Variants in ATP8A2 observed in about 807,000 individuals in gnomAD.
The protein encoded by ATP8A2 is phospholipid-transporting ATPase IB.
In ATP8A2, 100 loss-of-function variants were observed where a neutral mutation model predicts 165.6. The ratio of observed to expected loss-of-function variants is 0.60; its 90% CI spans 0.51 to 0.71. ATP8A2 has a LOEUF of 0.71. ATP8A2 is among the 30% of genes least tolerant of loss of function. The pLI, the probability that ATP8A2 is intolerant of heterozygous loss-of-function variation, is 0.00. For synonymous variants in ATP8A2, 543 were observed against 548.8 expected, an observed-to-expected ratio of 0.99 and a Z score of 0.15; for missense variants, 1,227 against 1,479.5, an observed-to-expected ratio of 0.83 and a Z score of 2.80.
chr13:25,984,967 G>A (rs1308749207), intron 35 of ATP8A2, among the ~76,000 whole-genome samples: 1 of 152,190 alleles, frequency 6.6e-6, no homozygotes, highest in Non-Finnish European at 1.5e-5. Flanking sequence ...TTAGAGAAAC[G>A]TTTTCTTACA....
In ATP8A2 at chr13:25,860,245, A is replaced by G. The variant is rs1593462998; in HGVS notation, c.3007A>G (p.Ile1003Val). 1 of 1,609,532 alleles carries G rather than the reference A, an allele frequency of 6.2e-7. No individual in the cohort carries two copies. The highest frequency in any genetic ancestry group is 2.2e-5 in the East Asian group (1 of 44,812). The change falls in exon 31 of 37, where the codon ATT becomes GTT. Residue 1003 changes from isoleucine (I) to valine (V), a missense_variant. By Grantham distance (29) the Ile-to-Val change is conservative. Around this residue, in one of 5 missense-constraint regions of ATP8A2, gnomAD observed 260 missense variants for 245.1 expected, o/e 1.06. Coordinates refer to ENST00000381655, the MANE Select transcript of ATP8A2 (RefSeq NM_016529.6). ...TACCGACTATTTATTTGTTGGAAAT[A>G]TTGTTTACACAGTAAGTTTATCTCT... ...HATDYLFVGN[I>V]VYTYVVVTVC...
At chr13:25,990,261 TAAAAAAAAAA>T (rs3056351) in intron 35 of ATP8A2, among the ~76,000 whole-genome samples, 3 of 108,370 alleles carry the variant, frequency 2.8e-5, no homozygotes, top group African/African-American at 1.0e-4. Flanking sequence ...CATGTAACTG[TAAAAAAAAAA>T]AAAAAAAAAA....
intron 1 of ATP8A2, among the ~76,000 whole-genome samples, chr13:25,450,698 A>AT (rs2035199940): frequency 6.6e-6 from 1 of 151,812 alleles, no homozygotes; most frequent in South Asian, 2.1e-4. Flanking sequence ...TGCCCGGCTA[A>AT]TTTTTTGTAT....
chr13:25,923,495 A>C (rs903341459), intron 33 of ATP8A2, among the ~76,000 whole-genome samples: 27 of 152,146 alleles, frequency 1.8e-4, no homozygotes, highest in Admixed American at 1.4e-3. Context: ...TGACGCTATT[A>C]ATATTGATGT....
intron 24 of ATP8A2, among the ~76,000 whole-genome samples, chr13:25,601,356 C>A (rs1341066908): frequency 2.6e-5 from 4 of 152,206 alleles, no homozygotes; most frequent in Non-Finnish European, 5.9e-5. Flanking sequence ...TCATTTGTTG[C>A]TTTAAGATGA....
At chr13:25,922,202 A>G (rs1954480152) in intron 33 of ATP8A2, among the ~76,000 whole-genome samples, 1 of 152,234 alleles carries the variant, frequency 6.6e-6, no homozygotes, top group Admixed American at 6.5e-5. Context: ...ACGCAATTTC[A>G]AAAAATCTCT....
intron 33 of ATP8A2, among the ~76,000 whole-genome samples, chr13:25,879,577 C>T (rs1167734670): frequency 6.6e-6 from 1 of 152,208 alleles, no homozygotes; most frequent in African/African-American, 2.4e-5. Flanking sequence ...GGATGTGCAC[C>T]TCTGCTGGCG....
intron 2 of ATP8A2, among the ~76,000 whole-genome samples, chr13:25,476,558 G>A (rs2036001700): frequency 6.6e-6 from 1 of 152,078 alleles, no homozygotes; most frequent in Admixed American, 6.5e-5. Flanking sequence ...CCAAAGTGCT[G>A]GGATTACAGG....
At chr13:25,789,060 G>A (rs1000108031) in intron 27 of ATP8A2, among the ~76,000 whole-genome samples, 4 of 152,156 alleles carry the variant, frequency 2.6e-5, no homozygotes, top group Non-Finnish European at 4.4e-5. Context: ...AATAGTGAAC[G>A]CTGGTTGAAT....
chr13:25,991,715 A>T (rs906583665), intron 35 of ATP8A2, among the ~76,000 whole-genome samples: 2 of 152,176 alleles, frequency 1.3e-5, no homozygotes, highest in African/African-American at 2.4e-5. Flanking sequence ...CACCCAATGC[A>T]TGTACCACGC....
chr13:25,496,220 G>A (rs1377951419), intron 2 of ATP8A2, among the ~76,000 whole-genome samples: 1 of 152,098 alleles, frequency 6.6e-6, no homozygotes, highest in Non-Finnish European at 1.5e-5. Flanking sequence ...AATCATTGTT[G>A]AAGAGGAGAC....
rs189719142 is a variant in ATP8A2 at position 25,390,775 on chromosome 13, C to T, written c.76+18487C>T. The stretch of plus-strand genomic sequence containing the variant: ...TGAAACCCTTTCTCTACTAAAAATA[C>T]AAAACTTAGCTGGGTGTGGTGGTAC... On this transcript the variant is annotated intron_variant, in intron 1 of 36. Coordinates refer to ENST00000381655, the MANE Select transcript of ATP8A2 (RefSeq NM_016529.6). Among the ~76,000 whole-genome samples the T allele has an allele frequency of 2.5e-4, 38 of 152,084 alleles. No individual in the cohort carries two copies. In the South Asian group the frequency reaches 6.6e-3, roughly 27 times the overall value.
chr13:25,571,108 A>G (rs151016218), intron 17 of ATP8A2, among the ~76,000 whole-genome samples: 2 of 152,302 alleles, frequency 1.3e-5, no homozygotes, highest in African/African-American at 4.8e-5. Context: ...GTTATGTTGC[A>G]TCTCCCAGCA....
intron 35 of ATP8A2, among the ~76,000 whole-genome samples, chr13:25,986,727 A>T (rs1261106514): frequency 1.3e-5 from 2 of 152,158 alleles, no homozygotes; most frequent in African/African-American, 4.8e-5. Context: ...TATACCCGGG[A>T]CTAGGATTGC....
chr13:25,999,014 G>A (rs1956576757), intron 35 of ATP8A2, among the ~76,000 whole-genome samples: 2 of 152,144 alleles, frequency 1.3e-5, no homozygotes, highest in Admixed American at 6.5e-5. Flanking sequence ...ACTGTGTCCT[G>A]AGCTCAATGC....
rs73481721 is a variant in ATP8A2, at chr13:25,563,641, G to A, written c.1398-315G>A. 6.0e-3 allele frequency among the ~76,000 whole-genome samples: 921 copies of A among 152,250 alleles called. 8 individuals carry two copies. The highest frequency in any genetic ancestry group is 0.021 in the African/African-American group (863 of 41,548). ...GACACTCTTAGAAGTTTTCTCTGGT[G>A]GAAGTGACTCGGGCCAACTGAAATG... On this transcript the variant is annotated intron_variant, in intron 15 of 36. Transcript: ENST00000381655.
chr13:25,413,209 T>C (rs1015785838), intron 1 of ATP8A2, among the ~76,000 whole-genome samples: 1 of 152,140 alleles, frequency 6.6e-6, no homozygotes, highest in Non-Finnish European at 1.5e-5. Flanking sequence ...GAAGTAATTC[T>C]TCTAGTAGTT....
chr13:25,914,257 T>C (rs1326993653), intron 33 of ATP8A2, among the ~76,000 whole-genome samples: 6 of 152,180 alleles, frequency 3.9e-5, no homozygotes, highest in Non-Finnish European at 5.9e-5. Context: ...TCACTTCCAT[T>C]CCCATGACAA....
rs866990142 is a variant in ATP8A2, at chr13:25,882,424, G to A, written c.3183+20016G>A. ...ACAGCGCCATGGTCAGACGCAGCCTGTCAGTGTTTCCAAGTAAATAACCTG... is the reference window on the plus strand; with the variant it reads ...ACAGCGCCATGGTCAGACGCAGCCTATCAGTGTTTCCAAGTAAATAACCTG... On this transcript the variant is annotated intron_variant, in intron 33 of 36. Transcript: ENST00000381655. Among the ~76,000 whole-genome samples the A allele has an allele frequency of 3.9e-5, 6 of 152,204 alleles. No individual in the cohort carries two copies. In the South Asian group the frequency reaches 6.2e-4, roughly 16 times the overall value.
Sources: allele counts gnomAD v4.1 joint callset (sites outside exome capture counted in the v4.1 genomes callset), GRCh38; gene constraint gnomAD v4.1.1; regional missense constraint gnomAD v4.1.1; transcripts MANE v1.5; gene names NCBI Gene and HGNC (gene_info 2026-07-23, HGNC 2026-07-21).